Variants in AGL observed in about 807,000 individuals in gnomAD.
The protein encoded by AGL is amylo-alpha-1,6-glucosidase and 4-alpha-glucanotransferase.
AGL carries 128 observed loss-of-function variants against 199.3 expected under a neutral mutation model. The observed-to-expected ratio is 0.64, with a 90% CI of 0.56 to 0.74. The LOEUF is 0.74. AGL is among the 30% of genes least tolerant of loss of function. AGL has a pLI of 0.00. For missense variants in AGL, 1,809 were observed against 1,820.8 expected (o/e 0.99, Z 0.12); for synonymous variants, 584 against 594.7 (o/e 0.98, Z 0.26).
At chr1:99,860,056 CAA>C (rs993312628) in intron 2 of AGL, among the ~76,000 whole-genome samples, 6 of 151,886 alleles carry the variant, frequency 4.0e-5, no homozygotes, top group African/African-American at 1.4e-4. Flanking sequence ...ATTCCTAGAT[CAA>C]AAAATATAAA....
Position 99,870,599 on chromosome 1 carries a change from A to AGT in AGL, c.846+19_846+20dup. Reference sequence around the variant, plus strand: ...ATATGAATGTCAGTATGTACAGAGGAGTATCACACTAAAACAGAAAAAATT... The same window carrying AGT: ...ATATGAATGTCAGTATGTACAGAGGAGTGTATCACACTAAAACAGAAAAAATT... On this transcript the variant is annotated intron_variant, in intron 6 of 33. Transcript: ENST00000361915. The AGT allele has an allele frequency of 6.2e-7, 1 of 1,613,540 alleles. No individual in the cohort carries two copies. The highest frequency in any genetic ancestry group is 2.2e-5 in the East Asian group (1 of 44,848).
rs145084450 is a variant in AGL at position 99,863,500 on chromosome 1, T to G, written c.461-886T>G. ...AATACCAAGAGCAAAATGAAACTTGTGTTTCATTTTGGCGCAATCTCGGCT... is the reference window on the plus strand; with the variant it reads ...AATACCAAGAGCAAAATGAAACTTGGGTTTCATTTTGGCGCAATCTCGGCT... On this transcript the variant is annotated intron_variant, in intron 4 of 33. Transcript: ENST00000361915. Among the ~76,000 whole-genome samples, 1,090 of 152,080 alleles carry G rather than the reference T, an allele frequency of 7.2e-3. 11 individuals carry two copies. Among genetic ancestry groups the G allele is most frequent in the Non-Finnish European group, 0.011 (734 of 67,972 alleles).
At chr1:99,881,002 CTTCA>C in intron 14 of AGL, 70 bp from the exon 15 acceptor site, 1 of 1,339,230 alleles carries the variant, frequency 7.5e-7, no homozygotes, top group South Asian at 1.2e-5. Flanking sequence ...TATCCTTTTA[CTTCA>C]TTATGCTATA....
In AGL at chr1:99,900,775, G is replaced by T. The variant is rs757196503; in HGVS notation, c.3502G>T (p.Val1168Phe). ...LQCIQDYCKM[V>F]PNGLDILKCP... Reference sequence around the variant, plus strand: ...GTGTATCCAGGATTACTGTAAAATGGTTCCAAATGGTCTAGACATTCTCAA... The same window carrying T: ...GTGTATCCAGGATTACTGTAAAATGTTTCCAAATGGTCTAGACATTCTCAA... The change falls in exon 26 of 34, where the codon GTT (valine) becomes TTT (phenylalanine). Residue 1168 changes from valine (V) to phenylalanine (F), a missense_variant. Transcript: ENST00000361915. 3.7e-6 allele frequency: 6 copies of T among 1,613,904 alleles called. No individual in the cohort carries two copies. In the Admixed American group the frequency reaches 1.0e-4, roughly 27 times the overall value.
chr1:99,867,822 C>T (rs901983978), intron 5 of AGL, among the ~76,000 whole-genome samples: 1 of 152,156 alleles, frequency 6.6e-6, no homozygotes, highest in Non-Finnish European at 1.5e-5. Context: ...CCGCACCCGG[C>T]CGTGTTGCAG....
rs918866125 is a variant in AGL, at chr1:99,884,354, A to G, written c.2449A>G (p.Ile817Val). The G allele has an allele frequency of 6.2e-7, 1 of 1,613,328 alleles. No individual in the cohort carries two copies. The highest frequency in any genetic ancestry group is 8.5e-7 in the Non-Finnish European group (1 of 1,179,568). Reference sequence around the variant, plus strand: ...TTTTTTCAAGCTTAATGAAAGTAAAATTGTTAAACAAGCTGGAGTTGCCAC... The same window carrying G: ...TTTTTTCAAGCTTAATGAAAGTAAAGTTGTTAAACAAGCTGGAGTTGCCAC... Reference protein sequence around the residue: ...REHIQLNESKIVKQAGVATKG... With the variant: ...REHIQLNESKVVKQAGVATKG... The change falls in exon 19 of 34, where the codon ATT becomes GTT. Residue 817 changes from isoleucine (I) to valine (V), a missense_variant. Ile to Val is a conservative substitution (Grantham distance 29, BLOSUM62 3). Transcript: ENST00000361915.
intron 25 of AGL, among the ~76,000 whole-genome samples, chr1:99,897,346 G>A (rs920673797): frequency 2.6e-5 from 4 of 152,162 alleles, no homozygotes; most frequent in Admixed American, 2.6e-4. Context: ...TTTTCACAAG[G>A]TCTCTGGATG....
Position 99,891,816 on chromosome 1 carries a change from A to T in AGL, c.3083+77A>T, listed in dbSNP as rs1018777181. The T allele has an allele frequency of 4.5e-6, 7 of 1,539,024 alleles. No homozygotes were observed. The African/African-American group carries it at 8.2e-5, about 18-fold the overall frequency. On this transcript the variant is annotated intron_variant, in intron 23 of 33. Transcript: ENST00000361915. ...ACAGAGTCACTTCATACATGTTCTT[A>T]AAAAACCAAACCATAAAGAATTGTC...
rs1571243699 is a variant in AGL, at chr1:99,870,770, ATAAT to A, written c.861_864del (p.Ile288GlyfsTer16). 2 of 1,603,480 alleles carry A rather than the reference ATAAT, an allele frequency of 1.2e-6. No individual in the cohort carries two copies. Among genetic ancestry groups the A allele is most frequent in the African/African-American group, 2.7e-5 (2 of 74,530 alleles). On this transcript the variant is annotated frameshift_variant, in exon 7 of 34. Transcript: ENST00000361915. LOFTEE classifies it high-confidence loss of function. Reference sequence around the variant, plus strand: ...TGACATTTTTCAGTCCATCCGAAAAATAATTTGGGAGGATATTTTTCCAAAGCTT... The same window carrying A: ...TGACATTTTTCAGTCCATCCGAAAAATTGGGAGGATATTTTTCCAAAGCTT...
Position 99,916,290 on chromosome 1 carries a change from A to G in AGL, c.4260-120A>G, listed in dbSNP as rs193229342. 71 of 795,992 alleles carry G rather than the reference A, an allele frequency of 8.9e-5. No homozygotes were observed. The East Asian group carries it at 1.6e-3, about 18-fold the overall frequency. 49.3% of individuals were successfully genotyped at this position (795,992 alleles called of 1,614,324 possible). ...TGGATGATGTACTAATGCCGAGCTT[A>G]TTCTGTAGAAGACAAAATAATTGAT... On this transcript the variant is annotated intron_variant, in intron 31 of 33. Transcript: ENST00000361915.
chr1:99,902,841 A>T, intron 27 of AGL, 47 bp downstream of exon 27: 1 of 1,407,144 alleles, frequency 7.1e-7, no homozygotes, highest in Non-Finnish European at 1.0e-6. Flanking sequence ...AGGTGATGAA[A>T]TTAAACCTTG....
intron 25 of AGL, 148 bp downstream of exon 25, chr1:99,896,536 C>T (rs1653339507): frequency 2.9e-6 from 2 of 693,450 alleles, no homozygotes; most frequent in African/African-American, 1.8e-5. Flanking sequence ...TGTATGTTCA[C>T]TTAATAGGAT....
At chr1:99,910,607 T>A in intron 27 of AGL, 105 bp from the exon 28 acceptor site, 1 of 504,580 alleles carries the variant, frequency 2.0e-6, no homozygotes, top group Non-Finnish European at 3.0e-6. Context: ...TTAGAGTGGT[T>A]GTCCTAGTTT....
chr1:99,852,355 T>C (rs1029986321), intron 2 of AGL, among the ~76,000 whole-genome samples: 3 of 147,656 alleles, frequency 2.0e-5, no homozygotes, highest in Admixed American at 6.8e-5. Context: ...TCATTTCTTT[T>C]TTTTTTTTTT....
chr1:99,875,950 T>C (rs2784169), intron 10 of AGL, among the ~76,000 whole-genome samples: 100,707 of 152,058 alleles, frequency 0.66, 33,577 homozygotes, highest in South Asian at 0.74. Flanking sequence ...TCTCAGCTCA[T>C]TGCAACCTCC....
intron 2 of AGL, among the ~76,000 whole-genome samples, chr1:99,857,847 A>AGGGGGAGACCGTGGGGAGGGGGAGGGGGG (rs1649686521): frequency 6.1e-4 from 5 of 8,222 alleles, no homozygotes; most frequent in African/African-American, 1.4e-3. Context: ...GGGGAGGGGG[A>AGGGGGAGACCGTGGGGAGGGGGAGGGGGG]GGGGGGAAGA....
intron 27 of AGL, 67 bp from the exon 28 acceptor site, chr1:99,910,645 T>A (rs984596617): frequency 8.0e-5 from 68 of 845,272 alleles, no homozygotes; most frequent in Non-Finnish European, 1.1e-4. Flanking sequence ...GTAAATGTTT[T>A]AAAATATTTG....
Position 99,891,833 on chromosome 1 carries a change from A to G in AGL, c.3083+94A>G, listed in dbSNP as rs921799409. The G allele has an allele frequency of 1.5e-4, 211 of 1,443,024 alleles. 1 individual carries two copies. Among genetic ancestry groups the G allele is most frequent in the Non-Finnish European group, 1.9e-4 (194 of 1,030,658 alleles). 89.4% of individuals were successfully genotyped at this position (1,443,024 alleles called of 1,614,324 possible). A position where few individuals can be genotyped will look rare whatever the true frequency, so the allele number is the denominator to read the frequency against. ...ATGTTCTTAAAAAACCAAACCATAA[A>G]GAATTGTCATAGAACTGAAAAGGCT... On this transcript the variant is annotated intron_variant, in intron 23 of 33. Coordinates refer to ENST00000361915, the MANE Select transcript of AGL (RefSeq NM_000642.3).
intron 33 of AGL, among the ~76,000 whole-genome samples, chr1:99,918,475 T>G (rs558270808): frequency 9.2e-5 from 14 of 152,210 alleles, no homozygotes; most frequent in Admixed American, 7.9e-4. Context: ...CCTGCTTCTT[T>G]GCTTGGTAGT....
Sources: allele counts gnomAD v4.1 joint callset (sites outside exome capture counted in the v4.1 genomes callset), GRCh38; gene constraint gnomAD v4.1.1; transcripts MANE v1.5; gene names NCBI Gene and HGNC (gene_info 2026-07-23, HGNC 2026-07-21).